ZBTB20: variants seen among roughly 807,000 people sequenced by gnomAD.
ZBTB20 encodes the protein zinc finger and BTB domain-containing protein 20.
In ZBTB20, 9 loss-of-function variants were observed where a neutral mutation model predicts 56.9. The ratio of observed to expected loss-of-function variants is 0.16; its 90% CI spans 0.10 to 0.28. The LOEUF (loss-of-function observed/expected upper bound fraction) is 0.28, where lower values mean the gene tolerates loss of function less well. ZBTB20 is among the 10% of genes least tolerant of loss of function. The pLI is 1.00. For missense variants in ZBTB20, 655 were observed against 1,003.0 expected, an observed-to-expected ratio of 0.65 and a Z score of 4.69; for synonymous variants, 417 against 420.7, an observed-to-expected ratio of 0.99 and a Z score of 0.11.
intron 3 of ZBTB20, among the ~76,000 whole-genome samples, chr3:114,971,688 C>T (rs2077890727): frequency 2.0e-5 from 3 of 152,156 alleles, no homozygotes; most frequent in African/African-American, 7.2e-5. Flanking sequence ...GATGGTTTTA[C>T]AGGCACATAA....
At chr3:115,060,452 G>A (rs2081974260) in intron 2 of ZBTB20, among the ~76,000 whole-genome samples, 1 of 152,052 alleles carries the variant, frequency 6.6e-6, no homozygotes, top group African/African-American at 2.4e-5. Context: ...GGCTTTCCCG[G>A]GATCCATGCT....
rs1262620840 is a variant in ZBTB20, at chr3:114,486,140, G to T, written c.-255+14212C>A. Among the ~76,000 whole-genome samples, 7 of 120,756 alleles carry T rather than the reference G, an allele frequency of 5.8e-5. 2 individuals are homozygous for T. The highest frequency in any genetic ancestry group is 2.5e-4 in the East Asian group (1 of 3,972). 79.2% of individuals were successfully genotyped at this position (120,756 alleles called of 152,430 possible). A position where few individuals can be genotyped will look rare whatever the true frequency, so the allele number is the denominator to read the frequency against. On this transcript the variant is annotated intron_variant, in intron 7 of 11. Transcript: ENST00000675478. The stretch of plus-strand genomic sequence containing the variant: ...TAAGAGTGTGTGTGTGTGTGTGTGG[G>T]GGGGGGGGGCGGTGTATGAATTCCT...
At chr3:114,844,581 G>A (rs889696990) in intron 4 of ZBTB20, among the ~76,000 whole-genome samples, 3 of 123,656 alleles carry the variant, frequency 2.4e-5, no homozygotes, top group African/African-American at 8.7e-5. Context: ...AAACATGTAG[G>A]CATGAAATGG....
At chr3:114,912,641 T>C (rs113144804) in intron 3 of ZBTB20, among the ~76,000 whole-genome samples, 3,422 of 152,068 alleles carry the variant, frequency 0.023, 77 homozygotes, top group African/African-American at 0.052. Flanking sequence ...TTTTAAAATA[T>C]ACAATTAAAT....
chr3:114,703,819 G>C (rs982768408), intron 5 of ZBTB20, among the ~76,000 whole-genome samples: 1 of 152,096 alleles, frequency 6.6e-6, no homozygotes, highest in African/African-American at 2.4e-5. Context: ...GACTTCAGAG[G>C]GGCTTGTAGA....
intron 3 of ZBTB20, among the ~76,000 whole-genome samples, chr3:114,913,798 GT>G (rs916354163): frequency 4.6e-5 from 7 of 151,758 alleles, no homozygotes; most frequent in Admixed American, 4.6e-4. Flanking sequence ...TCTTCTGCAT[GT>G]GGGTATTCAG....
chr3:114,538,287 C>T (rs1282212622), intron 6 of ZBTB20, among the ~76,000 whole-genome samples: 5 of 152,018 alleles, frequency 3.3e-5, no homozygotes, highest in Non-Finnish European at 7.4e-5. Context: ...TTCGACTAAT[C>T]GGCTGCTTTG....
At chr3:114,711,602 T>C (rs1368184757) in intron 5 of ZBTB20, among the ~76,000 whole-genome samples, 7 of 152,188 alleles carry the variant, frequency 4.6e-5, no homozygotes, top group African/African-American at 1.2e-4. Context: ...TCTGAGTTTA[T>C]AAAGGAGACG....
chr3:114,459,423 C>T (rs1219362115), intron 7 of ZBTB20, among the ~76,000 whole-genome samples: 1 of 152,150 alleles, frequency 6.6e-6, no homozygotes, highest in African/African-American at 2.4e-5. Context: ...AGCCCTTTCC[C>T]ACCTGTTTGA....
At chr3:114,990,314 G>T (rs939606660) in intron 2 of ZBTB20, among the ~76,000 whole-genome samples, 10 of 152,114 alleles carry the variant, frequency 6.6e-5, no homozygotes, top group African/African-American at 9.6e-5. Context: ...TAGCATGAAG[G>T]GTTGTTGAAT....
At chr3:114,681,634 T>C (rs1219698574) in intron 6 of ZBTB20, among the ~76,000 whole-genome samples, 1 of 152,218 alleles carries the variant, frequency 6.6e-6, no homozygotes, top group East Asian at 1.9e-4. Context: ...AGAGGGTTTA[T>C]GGAGTAGTGG....
intron 6 of ZBTB20, among the ~76,000 whole-genome samples, chr3:114,658,077 T>C (rs2060511843): frequency 6.6e-6 from 1 of 152,180 alleles, no homozygotes; most frequent in Non-Finnish European, 1.5e-5. Context: ...AAATCACTCA[T>C]AGTGCCCTAG....
At position 114,320,450 on chromosome 3, in the gene ZBTB20, AAAACAAATAGAC is replaced by A. The variant is rs1331291767; in HGVS notation, c.*18543_*18554del. 1 of 152,204 alleles carries A rather than the reference AAAACAAATAGAC, an allele frequency of 6.6e-6. No homozygotes were observed. Among genetic ancestry groups the A allele is most frequent in the African/African-American group, 2.4e-5 (1 of 41,456 alleles). The allele number at this position is 152,204 out of a possible 1,614,324, so 9.4% of individuals were successfully genotyped here. A position where few individuals can be genotyped will look rare whatever the true frequency, so the allele number is the denominator to read the frequency against. On this transcript the variant is annotated 3_prime_UTR_variant, in exon 12 of 12. Coordinates refer to ENST00000675478, the MANE Select transcript of ZBTB20 (RefSeq NM_001348800.3). ...ATGTGCAACCTCAATTATATCAAAG[AAAACAAATAGAC>A]AAACAAGAATTATAGAACATAAGTA... is the stretch of plus-strand genomic sequence containing the variant.
At chr3:114,350,068 T>C (rs2080525198) in intron 11 of ZBTB20, among the ~76,000 whole-genome samples, 1 of 152,158 alleles carries the variant, frequency 6.6e-6, no homozygotes. Flanking sequence ...CATAAAGGGT[T>C]CCTGTGACGG....
intron 6 of ZBTB20, among the ~76,000 whole-genome samples, chr3:114,503,818 C>A (rs1035967013): frequency 2.6e-5 from 4 of 152,088 alleles, no homozygotes; most frequent in Admixed American, 1.3e-4. Flanking sequence ...CTCCAAGAAT[C>A]AAAAATATTA....
chr3:114,880,548 C>A (rs1043080554), intron 4 of ZBTB20, among the ~76,000 whole-genome samples: 9 of 152,058 alleles, frequency 5.9e-5, no homozygotes, highest in African/African-American at 1.9e-4. Context: ...ATACATATAT[C>A]TTTGATTCAA....
rs80186044 is a variant in ZBTB20, at chr3:114,700,410, C to T, written c.-342-6835G>A. Reference sequence around the variant, plus strand: ...AGATATTGACAAACAGAGTAAACTACAGCTATAGGCTTCCCTATAGAAAGT... The same window carrying T: ...AGATATTGACAAACAGAGTAAACTATAGCTATAGGCTTCCCTATAGAAAGT... On this transcript the variant is annotated intron_variant, in intron 5 of 11. Coordinates refer to ENST00000675478, the MANE Select transcript of ZBTB20 (RefSeq NM_001348800.3). Among the ~76,000 whole-genome samples the T allele has an allele frequency of 4.6e-3, 696 of 152,172 alleles. 3 individuals are homozygous for T. The highest frequency in any genetic ancestry group is 0.015 in the African/African-American group (617 of 41,540).
At chr3:114,821,296 T>G (rs1185471928) in intron 4 of ZBTB20, among the ~76,000 whole-genome samples, 2 of 152,118 alleles carry the variant, frequency 1.3e-5, no homozygotes. Flanking sequence ...AGACAGCCAA[T>G]GTCCAACTCC....
At position 114,324,256 on chromosome 3, in the gene ZBTB20, TTCA is replaced by T. The variant is rs1327622082; in HGVS notation, c.*14746_*14748del. The stretch of plus-strand genomic sequence containing the variant: ...CAGTAGTGGTTTTTACTTAATAGTT[TTCA>T]TCATGTCAGATGGCTCTAATGCTAA... On this transcript the variant is annotated 3_prime_UTR_variant, in exon 12 of 12. Coordinates refer to ENST00000675478, the MANE Select transcript of ZBTB20 (RefSeq NM_001348800.3). 2 of 152,210 alleles carry T rather than the reference TTCA, an allele frequency of 1.3e-5. No homozygotes were observed. Among genetic ancestry groups the T allele is most frequent in the African/African-American group, 2.4e-5 (1 of 41,462 alleles). 9.4% of individuals were successfully genotyped at this position (152,210 alleles called of 1,614,324 possible).
Sources: gnomAD v4.1 joint callset for allele counts (sites outside exome capture counted in the v4.1 genomes callset) on GRCh38, gnomAD v4.1.1 for gene constraint, MANE v1.5 for transcripts, NCBI Gene and HGNC (gene_info 2026-07-23, HGNC 2026-07-21) for gene names.